Variants in HS6ST2 observed in about 807,000 individuals in gnomAD.
HS6ST2 encodes the protein heparan-sulfate 6-O-sulfotransferase 2.
In HS6ST2, 17 loss-of-function variants were observed where a neutral mutation model predicts 33.0. That is an observed-to-expected ratio of 0.52 (90% CI 0.35 to 0.77). The LOEUF (loss-of-function observed/expected upper bound fraction) is 0.77, where lower values mean the gene tolerates loss of function less well. Among genes scored for constraint, HS6ST2 ranks in the 30% least tolerant of loss-of-function variants. The pLI, the probability that HS6ST2 is intolerant of heterozygous loss-of-function variation, is 0.01. For synonymous variants in HS6ST2, 248 were observed against 237.1 expected (o/e 1.05, Z -0.42); for missense variants, 519 against 551.7 (o/e 0.94, Z 0.59).
chrX:132,926,983 C>A (rs7058203), intron 2 of HS6ST2, among the ~76,000 whole-genome samples: 7 of 110,735 alleles, frequency 6.3e-5, no homozygotes, highest in Admixed American at 9.6e-5. Flanking sequence ...AGTACTGAGC[C>A]CCCCCATCCA....
At chrX:132,643,269 G>T (rs2063615117) in intron 4 of HS6ST2, among the ~76,000 whole-genome samples, 1 of 110,689 alleles carries the variant, frequency 9.0e-6, no homozygotes, top group African/African-American at 3.3e-5. Context: ...CACTGAAAGT[G>T]GGTGAGGCCA....
intron 2 of HS6ST2, among the ~76,000 whole-genome samples, chrX:132,921,790 C>T (rs1467400625): frequency 3.6e-5 from 4 of 112,129 alleles, no homozygotes; most frequent in Admixed American, 9.5e-5. Context: ...TGCTTTCATC[C>T]TGGAGTTAGG....
intron 4 of HS6ST2, among the ~76,000 whole-genome samples, chrX:132,667,305 C>A (rs2063816788): frequency 9.0e-6 from 1 of 111,650 alleles, no homozygotes; most frequent in Admixed American, 9.5e-5. Context: ...ATGAAGAATT[C>A]AGAACTAGCT....
intron 2 of HS6ST2, among the ~76,000 whole-genome samples, chrX:132,854,296 G>A (rs905292026): frequency 2.7e-5 from 3 of 112,350 alleles, no homozygotes; most frequent in African/African-American, 9.7e-5. Flanking sequence ...CTGTCTTAAA[G>A]AATTCAGGTA....
intron 2 of HS6ST2, among the ~76,000 whole-genome samples, chrX:132,725,333 A>C (rs2064381231): frequency 8.9e-6 from 1 of 112,293 alleles, no homozygotes; most frequent in African/African-American, 3.2e-5. Flanking sequence ...AAAATCTAAT[A>C]ATCTGATTAA....
chrX:132,717,051 A>G (rs2064280606), intron 2 of HS6ST2, among the ~76,000 whole-genome samples: 1 of 113,092 alleles, frequency 8.8e-6, no homozygotes, highest in South Asian at 3.6e-4. Context: ...ACTCCCTAAC[A>G]AGTAATGATT....
intron 4 of HS6ST2, among the ~76,000 whole-genome samples, chrX:132,666,348 T>A (rs990882047): frequency 1.8e-5 from 2 of 111,735 alleles, no homozygotes; most frequent in Admixed American, 1.9e-4. Context: ...GGGGCACCTA[T>A]AGTATTTTAT....
chrX:132,822,706 C>T (rs1310210815), intron 2 of HS6ST2, among the ~76,000 whole-genome samples: 1 of 112,230 alleles, frequency 8.9e-6, no homozygotes, highest in Non-Finnish European at 1.9e-5. Context: ...TTATTTACAG[C>T]ATATTACAGC....
chrX:132,629,066 T>G lies in HS6ST2; in HGVS notation c.1095A>C (p.Arg365=), dbSNP rs780245738. The part of the protein sequence containing the change: ...GKNFHYITIL[R]DPVSRYLSEW... ...CACTCAAGTACCGGGACACTGGGTC[T>G]CGGAGGATGGTGATGTAGTGGAAGT... Residue 365 remains arginine, a synonymous_variant, in exon 5 of 5, where the codon CGA becomes CGC. Coordinates refer to ENST00000370833, the MANE Select transcript of HS6ST2 (RefSeq NM_001394073.1). 4.3e-5 allele frequency: 52 copies of G among 1,197,683 alleles called. No individual in the cohort carries two copies. The highest frequency in any genetic ancestry group is 6.7e-5 in the Admixed American group (3 of 44,581).
chrX:132,693,818 T>A (rs910284036), intron 3 of HS6ST2, among the ~76,000 whole-genome samples: 1 of 111,444 alleles, frequency 9.0e-6, no homozygotes, highest in Non-Finnish European at 1.9e-5. Flanking sequence ...TTGAACTTTC[T>A]TATCTCCCTA....
chrX:132,823,882 A>ATAG (rs2065489605), intron 2 of HS6ST2, among the ~76,000 whole-genome samples: 1 of 106,668 alleles, frequency 9.4e-6, no homozygotes, highest in Non-Finnish European at 1.9e-5. Flanking sequence ...AATAATAATA[A>ATAG]TAATAATGGC....
intron 3 of HS6ST2, among the ~76,000 whole-genome samples, chrX:132,705,571 G>C (rs1354882681): frequency 8.9e-6 from 1 of 111,969 alleles, no homozygotes; most frequent in Non-Finnish European, 1.9e-5. Context: ...ATTATCGACT[G>C]TTTACTATGT....
chrX:132,778,716 G>A (rs751300200), intron 2 of HS6ST2, among the ~76,000 whole-genome samples: 1 of 111,060 alleles, frequency 9.0e-6, no homozygotes, highest in Non-Finnish European at 1.9e-5. Flanking sequence ...CTACTAATTA[G>A]AGAGGACTTG....
intron 4 of HS6ST2, among the ~76,000 whole-genome samples, chrX:132,664,248 G>T (rs1463782786): frequency 2.7e-5 from 3 of 111,474 alleles, no homozygotes; most frequent in Admixed American, 1.9e-4. Flanking sequence ...TGACCTCATG[G>T]TCCGCCCACC....
At chrX:132,682,510 T>A (rs1214663180) in intron 3 of HS6ST2, among the ~76,000 whole-genome samples, 5 of 112,040 alleles carry the variant, frequency 4.5e-5, no homozygotes, top group African/African-American at 6.5e-5. Context: ...GCTAGCTGCC[T>A]CAAAAGGATA....
In HS6ST2 at chrX:132,679,757, G is replaced by T. The variant is rs748973038; in HGVS notation, c.981-10558C>A. Among the ~76,000 whole-genome samples the T allele has an allele frequency of 4.6e-5, 5 of 108,498 alleles. No homozygotes were observed. In the East Asian group the frequency reaches 1.5e-3, roughly 32 times the overall value. The allele number at this position is 108,498 out of a possible 115,157, so 94.2% of individuals were successfully genotyped here. On this transcript the variant is annotated intron_variant, in intron 3 of 4. Coordinates refer to ENST00000370833, the MANE Select transcript of HS6ST2 (RefSeq NM_001394073.1). ...CCATAGAAGACAACCACGCCTGGGG[G>T]GGGGCCAGTTCAGAGACCCACCCCC...
chrX:132,787,222 T>G (rs1213892102), intron 2 of HS6ST2, among the ~76,000 whole-genome samples: 12 of 88,654 alleles, frequency 1.4e-4, no homozygotes, highest in Non-Finnish European at 2.5e-4. Flanking sequence ...TACACATATA[T>G]ATATACACAT....
intron 2 of HS6ST2, among the ~76,000 whole-genome samples, chrX:132,786,492 G>C (rs2065061678): frequency 8.9e-6 from 1 of 111,789 alleles, no homozygotes; most frequent in Non-Finnish European, 1.9e-5. Context: ...ATTACTTTTA[G>C]TGGTGAAACT....
At chrX:132,665,615 G>A (rs2063803223) in intron 4 of HS6ST2, among the ~76,000 whole-genome samples, 1 of 111,558 alleles carries the variant, frequency 9.0e-6, no homozygotes, top group Non-Finnish European at 1.9e-5. Context: ...CTGCTGTGTT[G>A]GCCAGAATAA....
Sources: gnomAD v4.1 joint callset for allele counts (sites outside exome capture counted in the v4.1 genomes callset) on GRCh38, gnomAD v4.1.1 for gene constraint, MANE v1.5 for transcripts, NCBI Gene and HGNC (gene_info 2026-07-23, HGNC 2026-07-21) for gene names.